The following GLRB variants were observed in gnomAD, a reference collection of about 807,000 sequenced individuals.
GLRB encodes the protein glycine receptor beta.
GLRB carries 33 observed loss-of-function variants against 54.2 expected under a neutral mutation model. The ratio of observed to expected loss-of-function variants is 0.61; its 90% CI spans 0.46 to 0.81. The LOEUF is 0.81. GLRB is among the 40% of genes least tolerant of loss of function. GLRB has a pLI of 0.00. For missense variants in GLRB, 572 were observed against 584.6 expected, an observed-to-expected ratio of 0.98 and a Z score of 0.22; for synonymous variants, 209 against 208.2, an observed-to-expected ratio of 1.00 and a Z score of -0.03.
chr4:157,077,153 T>C (rs930770309), intron 1 of GLRB, among the ~76,000 whole-genome samples: 7 of 152,162 alleles, frequency 4.6e-5, no homozygotes, highest in Admixed American at 6.5e-5. Flanking sequence ...TTCTCTAGTG[T>C]AGGTAGAGGC....
chr4:157,102,797 T>C (rs1464919483), intron 2 of GLRB, among the ~76,000 whole-genome samples: 1 of 152,182 alleles, frequency 6.6e-6, no homozygotes, highest in African/African-American at 2.4e-5. Context: ...AGCAAACATG[T>C]TACATGTATC....
At chr4:157,084,645 T>C (rs1480570156) in intron 2 of GLRB, 1 of 455,814 alleles carries the variant, frequency 2.2e-6, no homozygotes, top group South Asian at 1.6e-5. Context: ...GCCGTTATGA[T>C]TTTTTTTGTC....
chr4:157,081,388 T>G (rs899936147), intron 2 of GLRB, among the ~76,000 whole-genome samples: 1 of 152,134 alleles, frequency 6.6e-6, no homozygotes, highest in African/African-American at 2.4e-5. Flanking sequence ...GCCACACCCA[T>G]ACATCCACCA....
At chr4:157,084,575 ATTTC>A (rs1734339411) in intron 2 of GLRB, 4 of 455,862 alleles carry the variant, frequency 8.8e-6, no homozygotes, top group African/African-American at 6.0e-5. Context: ...AGAAAATGTG[ATTTC>A]TTTGTTAGTT....
At chr4:157,150,619 G>A (rs17035783) in intron 8 of GLRB, among the ~76,000 whole-genome samples, 21,615 of 151,932 alleles carry the variant, frequency 0.14, 1,725 homozygotes, top group East Asian at 0.29. Context: ...CAGGTGCAAT[G>A]TGCTGTGTCA....
chr4:157,163,988 G>A (rs1737618412), intron 9 of GLRB, among the ~76,000 whole-genome samples: 2 of 152,048 alleles, frequency 1.3e-5, no homozygotes, highest in Non-Finnish European at 2.9e-5. Context: ...CCTGCACCCT[G>A]CCTACCACAC....
chr4:157,147,080 G>C (rs1369398796), intron 8 of GLRB, among the ~76,000 whole-genome samples: 1 of 152,172 alleles, frequency 6.6e-6, no homozygotes, highest in African/African-American at 2.4e-5. Flanking sequence ...ATGTCAGTTA[G>C]GTGGAGATAT....
At chr4:157,164,306 A>C (rs1737631203) in intron 9 of GLRB, among the ~76,000 whole-genome samples, 1 of 152,172 alleles carries the variant, frequency 6.6e-6, no homozygotes. Context: ...GCATACAGTT[A>C]TTTCTCCAGG....
intron 3 of GLRB, among the ~76,000 whole-genome samples, chr4:157,120,863 T>C (rs1735791263): frequency 1.3e-5 from 2 of 151,780 alleles, no homozygotes; most frequent in Non-Finnish European, 1.5e-5. Flanking sequence ...TGAATTCTAA[T>C]TGTTTTATAG....
intron 9 of GLRB, among the ~76,000 whole-genome samples, chr4:157,155,675 G>A (rs113272051): frequency 1.7e-3 from 265 of 152,228 alleles, no homozygotes; most frequent in African/African-American, 6.2e-3. Context: ...TCCTCTGTAG[G>A]TAAAGTGTCA....
chr4:157,146,040 G>A (rs940590272), intron 8 of GLRB, among the ~76,000 whole-genome samples: 13 of 150,274 alleles, frequency 8.7e-5, no homozygotes, highest in African/African-American at 2.7e-4. Flanking sequence ...TTTTTTTGAT[G>A]GAGTCTTGCT....
chr4:157,152,124 T>C (rs978083623), intron 8 of GLRB, among the ~76,000 whole-genome samples: 2 of 152,196 alleles, frequency 1.3e-5, no homozygotes, highest in African/African-American at 4.8e-5. Context: ...TGTGTTAGCT[T>C]TCATTGAAGG....
At chr4:157,137,585 CA>C (rs1263925142) in intron 6 of GLRB, among the ~76,000 whole-genome samples, 2 of 151,758 alleles carry the variant, frequency 1.3e-5, no homozygotes, top group African/African-American at 4.8e-5. Flanking sequence ...AATTACCTGG[CA>C]AAACATCTTG....
intron 7 of GLRB, among the ~76,000 whole-genome samples, chr4:157,140,970 A>G (rs546232802): frequency 2.2e-4 from 33 of 152,028 alleles, no homozygotes; most frequent in African/African-American, 7.9e-4. Context: ...TACATTAAAA[A>G]AAATCTCCAT....
At chr4:157,087,852 G>A (rs75056529) in intron 2 of GLRB, among the ~76,000 whole-genome samples, 7,036 of 151,738 alleles carry the variant, frequency 0.046, 171 homozygotes, top group African/African-American at 0.07. Context: ...ATTTGCAAAA[G>A]TCTCCTATAT....
At chr4:157,080,853 G>T (rs1734195863) in intron 2 of GLRB, among the ~76,000 whole-genome samples, 1 of 151,844 alleles carries the variant, frequency 6.6e-6, no homozygotes, top group African/African-American at 2.4e-5. Context: ...AGCAGTTCAT[G>T]TGCAGCAATC....
intron 2 of GLRB, among the ~76,000 whole-genome samples, chr4:157,091,808 A>T (rs1354505743): frequency 6.6e-6 from 1 of 152,046 alleles, no homozygotes; most frequent in African/African-American, 2.4e-5. Flanking sequence ...GGGCAGCCTG[A>T]TCTCTTCGTG....
chr4:157,125,866 T>G (rs1330501893), intron 4 of GLRB, among the ~76,000 whole-genome samples: 1 of 151,952 alleles, frequency 6.6e-6, no homozygotes, highest in African/African-American at 2.4e-5. Context: ...GAGAATCACT[T>G]GAATCCAGGA....
At chr4:157,096,234 G>T (rs1579193771) in intron 2 of GLRB, among the ~76,000 whole-genome samples, 4 of 152,274 alleles carry the variant, frequency 2.6e-5, no homozygotes, top group African/African-American at 9.6e-5. Context: ...GAAAGGAGAG[G>T]ATATCATTTT....
Sources: gnomAD v4.1 joint callset for allele counts (sites outside exome capture counted in the v4.1 genomes callset) on GRCh38, gnomAD v4.1.1 for gene constraint, MANE v1.5 for transcripts, NCBI Gene and HGNC (gene_info 2026-07-23, HGNC 2026-07-21) for gene names.